Variants in ADGRA3 observed in about 807,000 individuals in gnomAD.
The protein encoded by ADGRA3 is adhesion G protein-coupled receptor A3.
ADGRA3 carries 56 observed loss-of-function variants against 119.8 expected under a neutral mutation model. The ratio of observed to expected loss-of-function variants is 0.47; its 90% CI spans 0.38 to 0.58. The LOEUF (loss-of-function observed/expected upper bound fraction) is 0.58. Ranked by LOEUF, ADGRA3 falls within the 20% of genes least tolerant of loss-of-function variation. The pLI, the probability that ADGRA3 is intolerant of heterozygous loss-of-function variation, is 0.00. For missense variants in ADGRA3, 1,516 were observed against 1,649.0 expected, an observed-to-expected ratio of 0.92 and a Z score of 1.40; for synonymous variants, 607 against 623.8, an observed-to-expected ratio of 0.97 and a Z score of 0.40.
chr4:22,418,649 C>A (rs1364222682), intron 12 of ADGRA3, among the ~76,000 whole-genome samples: 1 of 152,128 alleles, frequency 6.6e-6, no homozygotes, highest in East Asian at 1.9e-4. Flanking sequence ...TCTGGAGAGA[C>A]ATGAGACATT....
chr4:22,439,606 A>G (rs1716529967), intron 7 of ADGRA3, among the ~76,000 whole-genome samples: 1 of 152,216 alleles, frequency 6.6e-6, no homozygotes, highest in Admixed American at 6.5e-5. Context: ...ACACTTTTAT[A>G]TTATGAATCA....
chr4:22,463,720 C>T (rs16872691), intron 2 of ADGRA3, among the ~76,000 whole-genome samples: 3,778 of 152,302 alleles, frequency 0.025, 168 homozygotes, highest in African/African-American at 0.086. Flanking sequence ...AAAGTTACAA[C>T]ATCAAAGTTG....
chr4:22,434,724 A>G (rs1186937244), intron 10 of ADGRA3, among the ~76,000 whole-genome samples: 1 of 152,096 alleles, frequency 6.6e-6, no homozygotes, highest in Non-Finnish European at 1.5e-5. Flanking sequence ...GTGCTTGTCA[A>G]TTTTTTTCCC....
At chr4:22,438,768 G>A (rs1030649642) in intron 7 of ADGRA3, among the ~76,000 whole-genome samples, 1 of 152,060 alleles carries the variant, frequency 6.6e-6, no homozygotes, top group Non-Finnish European at 1.5e-5. Context: ...GACAGAGGCG[G>A]GTGGCAGGAG....
At chr4:22,499,139 C>T (rs186887082) in intron 1 of ADGRA3, among the ~76,000 whole-genome samples, 2 of 152,158 alleles carry the variant, frequency 1.3e-5, no homozygotes, top group Non-Finnish European at 2.9e-5. Flanking sequence ...GTAAACAACC[C>T]TCACCCTTGC....
At chr4:22,491,473 A>G (rs1473499006) in intron 1 of ADGRA3, among the ~76,000 whole-genome samples, 2 of 152,166 alleles carry the variant, frequency 1.3e-5, no homozygotes, top group African/African-American at 4.8e-5. Flanking sequence ...CCTCTTCTCA[A>G]GGGGGCCTCT....
At chr4:22,425,029 C>T (rs576550515) in intron 10 of ADGRA3, among the ~76,000 whole-genome samples, 2 of 150,482 alleles carry the variant, frequency 1.3e-5, no homozygotes, top group African/African-American at 2.5e-5. Flanking sequence ...GAGCCGAGAT[C>T]GTGCCACTGC....
At position 22,466,590 on chromosome 4, in the gene ADGRA3, G is replaced by A. The variant is rs1012495433; in HGVS notation, c.330-4782C>T. Among the ~76,000 whole-genome samples, 45 of 152,114 alleles carry A rather than the reference G, an allele frequency of 3.0e-4. 1 individual carries two copies. The highest frequency in any genetic ancestry group is 1.3e-4 in the Admixed American group (2 of 15,268). The stretch of plus-strand genomic sequence containing the variant: ...AAAAATACAAAAATTAGCCAGGCGT[G>A]ATGGCGCACACCTGTAGTCCCAGCT... On this transcript the variant is annotated intron_variant, in intron 2 of 18. Coordinates refer to ENST00000334304, the MANE Select transcript of ADGRA3 (RefSeq NM_145290.4).
At position 22,388,067 on chromosome 4, in the gene ADGRA3, C is replaced by A. The variant is rs141222776; in HGVS notation, c.3604G>T (p.Val1202Leu). The A allele has an allele frequency of 2.5e-6, 4 of 1,614,174 alleles. No homozygotes were observed. In the South Asian group the frequency reaches 3.3e-5, roughly 13 times the overall value. ...YDVPTSVEGSVQNGLPKSRLG... is the reference protein window; with the variant it reads ...YDVPTSVEGSLQNGLPKSRLG... Reference sequence around the variant, plus strand: ...CGGCTTTTAGGTAAGCCGTTCTGCACGCTTCCTTCCACGCTCGTTGGGACA... The same window carrying A: ...CGGCTTTTAGGTAAGCCGTTCTGCAAGCTTCCTTCCACGCTCGTTGGGACA... Residue 1202 changes from valine (V) to leucine (L), a missense_variant, in exon 19 of 19, where the codon GTG becomes TTG. Physicochemically the swap from Val to Leu is conservative, Grantham distance 32 (BLOSUM62 1). Coordinates refer to ENST00000334304, the MANE Select transcript of ADGRA3 (RefSeq NM_145290.4).
chr4:22,509,988 C>T (rs1396638695), intron 1 of ADGRA3, among the ~76,000 whole-genome samples: 3 of 125,482 alleles, frequency 2.4e-5, no homozygotes, highest in Admixed American at 2.0e-4. Flanking sequence ...CCAGCCTGGG[C>T]GACAGAGCGA....
At position 22,392,629 on chromosome 4, in the gene ADGRA3, C is replaced by T. The variant is rs966886838; in HGVS notation, c.2543G>A (p.Arg848Gln). 9.3e-6 allele frequency: 15 copies of T among 1,613,610 alleles called. No individual in the cohort carries two copies. The highest frequency in any genetic ancestry group is 1.7e-5 in the Admixed American group (1 of 59,976). ...ATVLWVGVTA[R>Q]NIYKQVTKKA... ...TTTAGTGACTTGTTTGTAGATATTT[C>T]GAGCTGTCACTCCTACCCATAGTAC... The change falls in exon 17 of 19, where the codon CGA (arginine) becomes CAA (glutamine). Residue 848 changes from arginine to glutamine, a missense_variant. Arg to Gln is a conservative substitution (Grantham distance 43). Around this residue, in one of 2 missense-constraint regions of ADGRA3, gnomAD observed 1,088 missense variants for 1,107.1 expected, o/e 0.98. Coordinates refer to ENST00000334304, the MANE Select transcript of ADGRA3 (RefSeq NM_145290.4).
chr4:22,515,786 C>T lies in ADGRA3; in HGVS notation c.-2G>A. 1 of 1,006,360 alleles carries T rather than the reference C, an allele frequency of 9.9e-7. No homozygotes were observed. Among genetic ancestry groups the T allele is most frequent in the Non-Finnish European group, 1.2e-6 (1 of 848,388 alleles). 62.3% of individuals were successfully genotyped at this position (1,006,360 alleles called of 1,614,324 possible). ...CCGCCGGCGTCCGGGTGGCTCCATG[C>T]TGCGGGCCGGGGCCTGCGGGGCGAG... is the stretch of plus-strand genomic sequence containing the variant. On this transcript the variant is annotated 5_prime_UTR_variant, in exon 1 of 19. Transcript: ENST00000334304.
chr4:22,457,968 T>A (rs1158933228), intron 3 of ADGRA3, among the ~76,000 whole-genome samples: 4 of 152,148 alleles, frequency 2.6e-5, no homozygotes, highest in Admixed American at 2.0e-4. Context: ...ACCTAAAAGC[T>A]GTGACTACAA....
intron 12 of ADGRA3, among the ~76,000 whole-genome samples, chr4:22,415,655 C>T (rs1329658274): frequency 6.6e-6 from 1 of 152,020 alleles, no homozygotes; most frequent in Non-Finnish European, 1.5e-5. Context: ...TATCGTTATA[C>T]ACACAAAATG....
chr4:22,469,666 G>A (rs961934260), intron 2 of ADGRA3, among the ~76,000 whole-genome samples: 4 of 152,070 alleles, frequency 2.6e-5, no homozygotes, highest in Admixed American at 1.3e-4. Context: ...CGTAATCTCT[G>A]CCTTCACAAA....
At chr4:22,413,546 A>G (rs1237650157) in intron 13 of ADGRA3, 55 bp downstream of exon 13, 2 of 1,505,140 alleles carry the variant, frequency 1.3e-6, no homozygotes, top group Admixed American at 1.7e-5. Flanking sequence ...AGGAACAGTC[A>G]ACTACAAGGC....
intron 1 of ADGRA3, among the ~76,000 whole-genome samples, chr4:22,476,937 G>A (rs890050458): frequency 3.3e-5 from 5 of 151,954 alleles, no homozygotes; most frequent in Admixed American, 6.6e-5. Context: ...AAAGTGCTGG[G>A]TTTACAGGTG....
chr4:22,500,502 C>T (rs1342807789), intron 1 of ADGRA3, among the ~76,000 whole-genome samples: 1 of 116,584 alleles, frequency 8.6e-6, no homozygotes, highest in Non-Finnish European at 1.9e-5. Flanking sequence ...ACTTGCAACA[C>T]GGTTCTGAAA....
At chr4:22,473,901 A>G (rs949256691) in intron 1 of ADGRA3, 58 bp from the exon 2 acceptor site, 14 of 1,010,112 alleles carry the variant, frequency 1.4e-5, no homozygotes, top group Non-Finnish European at 2.1e-5. Flanking sequence ...TATCAAAGTA[A>G]TTTAGCTTAT....
Sources: allele counts gnomAD v4.1 joint callset (sites outside exome capture counted in the v4.1 genomes callset), GRCh38; gene constraint gnomAD v4.1.1; regional missense constraint gnomAD v4.1.1; transcripts MANE v1.5; gene names NCBI Gene and HGNC (gene_info 2026-07-23, HGNC 2026-07-21).